The following TDG variants were observed in gnomAD, a reference collection of about 807,000 sequenced individuals.
TDG encodes G/T mismatch-specific thymine DNA glycosylase.
In TDG, 23 loss-of-function variants were observed where a neutral mutation model predicts 46.1. The observed-to-expected ratio is 0.50, with a 90% CI of 0.36 to 0.71. The LOEUF (loss-of-function observed/expected upper bound fraction) is 0.71. Ranked by LOEUF, TDG falls within the 30% of genes least tolerant of loss-of-function variation. The pLI is 0.00. For missense variants in TDG, 304 were observed against 486.7 expected, an observed-to-expected ratio of 0.62 and a Z score of 3.53; for synonymous variants, 115 against 161.3, an observed-to-expected ratio of 0.71 and a Z score of 2.18.
intron 1 of TDG, among the ~76,000 whole-genome samples, chr12:103,974,260 A>C (rs1368211478): frequency 8.7e-6 from 1 of 114,520 alleles, no homozygotes; most frequent in Non-Finnish European, 1.8e-5. Context: ...AAGTGTACTC[A>C]TTTGCCCTCT....
At chr12:103,977,704 C>T (rs1417949958) in intron 2 of TDG, among the ~76,000 whole-genome samples, 1 of 152,180 alleles carries the variant, frequency 6.6e-6, no homozygotes, top group Non-Finnish European at 1.5e-5. Context: ...ACTTACTTGA[C>T]TGGTGCTTTA....
Position 103,984,893 on chromosome 12 carries a change from T to C in TDG, c.937T>C (p.Tyr313His). 2 of 1,612,780 alleles carry C rather than the reference T, an allele frequency of 1.2e-6. No individual in the cohort carries two copies. Among genetic ancestry groups the C allele is most frequent in the African/African-American group, 1.3e-5 (1 of 75,064 alleles). Residue 313 changes from tyrosine to histidine, a missense_variant, in exon 8 of 10, where the codon TAT becomes CAT. Tyr to His is a moderately conservative substitution (Grantham distance 83, BLOSUM62 2). Coordinates refer to ENST00000392872, the MANE Select transcript of TDG (RefSeq NM_003211.6). ...ERNMDVQEVQ[Y>H]TFDLQLAQED... The stretch of plus-strand genomic sequence containing the variant: ...AAATATGGACGTTCAAGAGGTGCAA[T>C]ATACATTTGACCTACAGCTTGCCCA...
In TDG at chr12:103,988,010, G is replaced by A. The variant is rs1253868358; in HGVS notation, c.*920G>A. 2.0e-5 allele frequency: 3 copies of A among 152,814 alleles called. No individual in the cohort carries two copies. Among genetic ancestry groups the A allele is most frequent in the Middle Eastern group, 3.4e-3 (1 of 294 alleles). 9.5% of individuals were successfully genotyped at this position (152,814 alleles called of 1,614,324 possible). ...GAGATGTACTAAAATAAGTAATATA[G>A]AATTTTTCTTGCTAGGTAAATCCAG... On this transcript the variant is annotated 3_prime_UTR_variant, in exon 10 of 10. Transcript: ENST00000392872.
intron 1 of TDG, among the ~76,000 whole-genome samples, chr12:103,971,624 G>A (rs1871287613): frequency 6.6e-6 from 1 of 152,140 alleles, no homozygotes; most frequent in Non-Finnish European, 1.5e-5. Context: ...GAAGGTAAGT[G>A]CAAATGGAGG....
At chr12:103,985,780 T>TG in intron 9 of TDG, 52 bp downstream of exon 9, 2 of 1,433,300 alleles carry the variant, frequency 1.4e-6, no homozygotes, top group South Asian at 1.7e-5. Context: ...TGGTCAGGAT[T>TG]GGGGGGAAAA....
intron 1 of TDG, among the ~76,000 whole-genome samples, chr12:103,976,241 C>G (rs979307167): frequency 6.6e-6 from 1 of 151,956 alleles, no homozygotes. Context: ...CCTGTCTAGA[C>G]AAAAATTACA....
At chr12:103,975,684 C>G (rs1871504455) in intron 1 of TDG, among the ~76,000 whole-genome samples, 1 of 151,870 alleles carries the variant, frequency 6.6e-6, no homozygotes, top group South Asian at 2.1e-4. Context: ...TCTTTTGAGA[C>G]AGAATCTTGC....
chr12:103,982,491 G>A (rs1871891085), intron 4 of TDG, among the ~76,000 whole-genome samples: 1 of 152,116 alleles, frequency 6.6e-6, no homozygotes, highest in African/African-American at 2.4e-5. Flanking sequence ...TTAAATCCAA[G>A]CGCTGTGGCT....
chr12:103,980,193 T>C, intron 3 of TDG, 121 bp downstream of exon 3: 1 of 1,392,788 alleles, frequency 7.2e-7, no homozygotes, highest in African/African-American at 1.4e-5. Flanking sequence ...CTTTTGGTGG[T>C]AAATGGTGTC....
Position 103,978,580 on chromosome 12 carries a change from A to AGGAG in TDG, c.167-1247_167-1244dup, listed in dbSNP as rs550134568. Among the ~76,000 whole-genome samples, 343 of 152,304 alleles carry AGGAG rather than the reference A, an allele frequency of 2.3e-3. 2 individuals are homozygous for AGGAG. Among genetic ancestry groups the AGGAG allele is most frequent in the East Asian group, 1.9e-3 (10 of 5,184 alleles). ...GCTAAGACAATGTGAGGCAGAAGAG[A>AGGAG]GGAGGGACTGACTGCCTGTATCCTG... On this transcript the variant is annotated intron_variant, in intron 2 of 9. Transcript: ENST00000392872.
rs4135119 is a variant in TDG at position 103,984,751 on chromosome 12, C to T, written c.795C>T (p.Leu265=). The change falls in exon 8 of 10, where the codon CTC becomes CTT. Residue 265 remains leucine, a splice_region_variant and synonymous_variant. Coordinates refer to ENST00000392872, the MANE Select transcript of TDG (RefSeq NM_003211.6). ...ATTATAAAATGTTGTGATTCTAGCT[C>T]TGCTATGTTATGCCATCATCCAGTG... ...QPHKIPDTET[L]CYVMPSSSAR... is the part of the protein sequence containing the mutation. 18,632 of 1,599,086 alleles carry T rather than the reference C, an allele frequency of 0.012. 108 individuals carry two copies. The highest frequency in any genetic ancestry group is 0.015 in the Non-Finnish European group (17,199 of 1,170,106).
intron 1 of TDG, among the ~76,000 whole-genome samples, chr12:103,966,849 A>T (rs2374327): frequency 0.76 from 115,843 of 152,146 alleles, 44,374 homozygotes; most frequent in East Asian, 1. Flanking sequence ...GGCTAATGGG[A>T]GCTGAATTTA....
chr12:103,967,067 T>G (rs1871072607), intron 1 of TDG, among the ~76,000 whole-genome samples: 1 of 152,272 alleles, frequency 6.6e-6, no homozygotes, highest in Non-Finnish European at 1.5e-5. Flanking sequence ...ACTCCACTTC[T>G]TTCCCAGAAG....
intron 9 of TDG, 37 bp downstream of exon 9, chr12:103,985,765 C>T (rs376145737): frequency 1.8e-5 from 27 of 1,463,836 alleles, no homozygotes; most frequent in East Asian, 1.5e-4. Context: ...CTTTCAAAGA[C>T]GGTTTGGTCA....
rs1468242270 is a variant in TDG at position 103,988,193 on chromosome 12, A to G, written c.*1103A>G. On this transcript the variant is annotated 3_prime_UTR_variant, in exon 10 of 10. Coordinates refer to ENST00000392872, the MANE Select transcript of TDG (RefSeq NM_003211.6). ...ATCCAGACTACCAGGTCTGGTAGAT[A>G]TTAAAGCTGGGTACTAAGAAATGTT... 6.6e-6 allele frequency: 1 copy of G among 152,302 alleles called. No homozygotes were observed. The highest frequency in any genetic ancestry group is 2.4e-5 in the African/African-American group (1 of 41,484). 9.4% of individuals were successfully genotyped at this position (152,302 alleles called of 1,614,324 possible).
chr12:103,970,543 A>C (rs1412622259), intron 1 of TDG, among the ~76,000 whole-genome samples: 4 of 152,120 alleles, frequency 2.6e-5, no homozygotes, highest in Non-Finnish European at 5.9e-5. Flanking sequence ...AAGAAGTTGG[A>C]GTCATTAATT....
chr12:103,979,683 A>G, intron 2 of TDG, 148 bp from the exon 3 acceptor site: 1 of 927,098 alleles, frequency 1.1e-6, no homozygotes, highest in Non-Finnish European at 1.5e-6. Flanking sequence ...AAGGGAAGAT[A>G]TTGCAGAGGA....
chr12:103,974,413 G>A (rs1458294060), intron 1 of TDG, among the ~76,000 whole-genome samples: 2 of 151,952 alleles, frequency 1.3e-5, no homozygotes, highest in Non-Finnish European at 2.9e-5. Context: ...AGCAGCTGGG[G>A]CTGTCAGCAT....
chr12:103,980,862 A>G, intron 3 of TDG, 31 bp from the exon 4 acceptor site: 1 of 1,603,506 alleles, frequency 6.2e-7, no homozygotes, highest in Non-Finnish European at 8.5e-7. Context: ...CTGCTTTTTA[A>G]GATGAAATGT....
Sources: allele counts gnomAD v4.1 joint callset (sites outside exome capture counted in the v4.1 genomes callset), GRCh38; gene constraint gnomAD v4.1.1; transcripts MANE v1.5; gene names NCBI Gene and HGNC (gene_info 2026-07-23, HGNC 2026-07-21).